The following SLC7A9 variants were observed in gnomAD, a reference collection of about 807,000 sequenced individuals.
SLC7A9 encodes B(0,+)-type amino acid transporter 1.
Under a neutral mutation model 54.1 loss-of-function variants are expected in SLC7A9, and 38 were observed. That is an observed-to-expected ratio of 0.70 (90% CI 0.54 to 0.92). SLC7A9 has a LOEUF of 0.92. SLC7A9 is among the 40% of genes least tolerant of loss of function. SLC7A9 has a pLI of 0.00. For synonymous variants in SLC7A9, 264 were observed against 258.9 expected (o/e 1.02, Z -0.19); for missense variants, 537 against 636.1 (o/e 0.84, Z 1.68).
At chr19:32,864,869 C>T (rs1968921230) in intron 2 of SLC7A9, 93 bp from the exon 3 acceptor site, 1 of 1,554,054 alleles carries the variant, frequency 6.4e-7, no homozygotes, top group African/African-American at 1.4e-5. Context: ...GCCAGGGCGG[C>T]CCCAGCCAAA....
Position 32,842,151 on chromosome 19 carries a change from T to C in SLC7A9, c.1224+17A>G, listed in dbSNP as rs368479033. 9 of 1,613,916 alleles carry C rather than the reference T, an allele frequency of 5.6e-6. No individual in the cohort carries two copies. In the African/African-American group the frequency reaches 6.7e-5, roughly 12 times the overall value. ...AAAAATCCAAAGCCACTCGTGACTC[T>C]GGGGCTGCAAGCTTACCTTGATAGG... On this transcript the variant is annotated intron_variant, in intron 11 of 12. Transcript: ENST00000023064.
At chr19:32,868,406 G>A (rs1293277073) in intron 2 of SLC7A9, 42 bp downstream of exon 2, 3 of 1,519,108 alleles carry the variant, frequency 2.0e-6, no homozygotes, top group Admixed American at 3.3e-5. Flanking sequence ...AGACGCCCTT[G>A]CCTAACCTGC....
At position 32,864,283 on chromosome 19, in the gene SLC7A9, A is replaced by T. The variant is rs1367252390; in HGVS notation, c.291T>A (p.Tyr97Ter). 2.5e-6 allele frequency: 4 copies of T among 1,613,840 alleles called. No homozygotes were observed. The highest frequency in any genetic ancestry group is 3.4e-6 in the Non-Finnish European group (4 of 1,179,978). ...GTMITKSGGE[Y>*]PYLMEAYGPI... is the part of the protein sequence containing the mutation. ...GCCCGTAGGCCTCCATCAGGTAGGG[A>T]TACTCTCCCCCTGACTTGGTGATCA... Residue 97 changes from tyrosine to a stop codon, truncating the protein, a stop_gained, in exon 4 of 13, where the codon TAT becomes TAA. Transcript: ENST00000023064. LOFTEE classifies it high-confidence loss of function.
At chr19:32,846,923 A>G (rs934841818) in intron 9 of SLC7A9, among the ~76,000 whole-genome samples, 2 of 152,216 alleles carry the variant, frequency 1.3e-5, no homozygotes, top group African/African-American at 4.8e-5. Context: ...CCCAGGCAAA[A>G]AGGGTCTGGA....
In SLC7A9 at chr19:32,846,169, C is replaced by T. The variant is rs185958403; in HGVS notation, c.978-2218G>A. ...TCACTAGGGAGTGCCAGACAGTGGG[C>T]GCAGGACAGTGGGTGCAGCACACCG... On this transcript the variant is annotated intron_variant, in intron 9 of 12. Coordinates refer to ENST00000023064, the MANE Select transcript of SLC7A9 (RefSeq NM_014270.5). Among the ~76,000 whole-genome samples, 1,407 of 146,770 alleles carry T rather than the reference C, an allele frequency of 9.6e-3. 26 individuals carry two copies. The highest frequency in any genetic ancestry group is 0.033 in the African/African-American group (1,342 of 40,066).
intron 11 of SLC7A9, among the ~76,000 whole-genome samples, chr19:32,838,706 T>TTA (rs201271333): frequency 0.11 from 16,910 of 147,976 alleles, 1,082 homozygotes; most frequent in Non-Finnish European, 0.15. Flanking sequence ...ATATATGTAC[T>TTA]TATATGTATA....
At chr19:32,856,725 C>T (rs1968639367) in intron 9 of SLC7A9, among the ~76,000 whole-genome samples, 1 of 152,166 alleles carries the variant, frequency 6.6e-6, no homozygotes, top group South Asian at 2.1e-4. Context: ...AGGCATGGGC[C>T]TCTACACCCA....
At chr19:32,865,766 T>G (rs1273523038) in intron 2 of SLC7A9, among the ~76,000 whole-genome samples, 2 of 151,828 alleles carry the variant, frequency 1.3e-5, no homozygotes, top group Non-Finnish European at 2.9e-5. Flanking sequence ...AGGTTGGGAG[T>G]GGGAGACCAG....
At chr19:32,867,207 G>GA (rs1968997120) in intron 2 of SLC7A9, among the ~76,000 whole-genome samples, 1 of 152,178 alleles carries the variant, frequency 6.6e-6, no homozygotes, top group Admixed American at 6.5e-5. Context: ...TCAACCATCA[G>GA]AACGCCCTCT....
rs1231632206 is a variant in SLC7A9 at position 32,862,033 on chromosome 19, T to A, written c.704+85A>T. The A allele has an allele frequency of 3.4e-6, 3 of 874,056 alleles. No homozygotes were observed. The East Asian group carries it at 7.2e-5, about 21-fold the overall frequency. 54.1% of individuals were successfully genotyped at this position (874,056 alleles called of 1,614,324 possible). Reference sequence around the variant, plus strand: ...CACACCAAACCCCAGAAAGGAGAACTCATTGTTTTCCATGACAGGTGGAGT... The same window carrying A: ...CACACCAAACCCCAGAAAGGAGAACACATTGTTTTCCATGACAGGTGGAGT... On this transcript the variant is annotated intron_variant, in intron 6 of 12. Coordinates refer to ENST00000023064, the MANE Select transcript of SLC7A9 (RefSeq NM_014270.5).
At chr19:32,865,453 G>A (rs994317116) in intron 2 of SLC7A9, among the ~76,000 whole-genome samples, 1 of 152,240 alleles carries the variant, frequency 6.6e-6, no homozygotes, top group East Asian at 1.9e-4. Flanking sequence ...GCAGGCGTAA[G>A]CCGCCGTGCC....
intron 2 of SLC7A9, among the ~76,000 whole-genome samples, chr19:32,865,242 C>T (rs921553144): frequency 7.9e-5 from 12 of 152,222 alleles, no homozygotes; most frequent in African/African-American, 2.9e-4. Context: ...GGAGGCCTCC[C>T]AGAAACAGAA....
chr19:32,864,289 T>TCC lies in SLC7A9; in HGVS notation c.283_284dup (p.Tyr97SerfsTer5). 6.2e-7 allele frequency: 1 copy of TCC among 1,613,890 alleles called. No individual in the cohort carries two copies. On this transcript the variant is annotated frameshift_variant, in exon 4 of 13. Coordinates refer to ENST00000023064, the MANE Select transcript of SLC7A9 (RefSeq NM_014270.5). LOFTEE classifies it high-confidence loss of function. ...AGGCCTCCATCAGGTAGGGATACTC[T>TCC]CCCCCTGACTTGGTGATCATTGTGC... is the stretch of plus-strand genomic sequence containing the variant.
chr19:32,835,606 G>A (rs1246530528), intron 11 of SLC7A9, among the ~76,000 whole-genome samples: 1 of 152,082 alleles, frequency 6.6e-6, no homozygotes, highest in African/African-American at 2.4e-5. Flanking sequence ...TTATTCCAGA[G>A]CATTGAAAAA....
chr19:32,832,983 G>A (rs1967849100), intron 12 of SLC7A9, 166 bp downstream of exon 12: 6 of 711,784 alleles, frequency 8.4e-6, no homozygotes, highest in Non-Finnish European at 1.5e-5. Context: ...ATCAAGGGTG[G>A]ACCCAGAGGT....
chr19:32,864,031 C>T lies in SLC7A9; in HGVS notation c.478+65G>A, dbSNP rs1273619095. The stretch of plus-strand genomic sequence containing the variant: ...AGACTCACTGGGGAGGAGCTGAGGG[C>T]GGAGTCCCCAGACACCCTCTGTGCC... On this transcript the variant is annotated intron_variant, in intron 4 of 12. Transcript: ENST00000023064. 1.4e-5 allele frequency: 22 copies of T among 1,608,782 alleles called. No individual in the cohort carries two copies. The East Asian group carries it at 2.2e-4, about 16-fold the overall frequency.
At chr19:32,861,706 T>C (rs1968804530) in intron 6 of SLC7A9, among the ~76,000 whole-genome samples, 1 of 152,004 alleles carries the variant, frequency 6.6e-6, no homozygotes, top group Non-Finnish European at 1.5e-5. Flanking sequence ...TCCCAGCTAC[T>C]CAGGAGGCTG....
intron 9 of SLC7A9, among the ~76,000 whole-genome samples, chr19:32,849,407 A>C (rs949729304): frequency 1.3e-5 from 2 of 152,040 alleles, no homozygotes; most frequent in African/African-American, 4.8e-5. Context: ...AAACACCTCT[A>C]TGCAAATAAA....
chr19:32,833,223 A>G lies in SLC7A9; in HGVS notation c.1325T>C (p.Leu442Pro), dbSNP rs749151193. Residue 442 changes from leucine (L) to proline (P), a missense_variant, in exon 12 of 13, where the codon CTG becomes CCG. Transcript: ENST00000023064. ...KPTWEYLYCV[L>P]FILSGLLFYF... ...AAATAAAAGGCCGCTTAATATAAAC[A>G]GCACACAGTAGAGGTACTCCCAGGT... 6 of 1,614,098 alleles carry G rather than the reference A, an allele frequency of 3.7e-6. No homozygotes were observed. The highest frequency in any genetic ancestry group is 5.1e-6 in the Non-Finnish European group (6 of 1,180,028).
Sources: gnomAD v4.1 joint callset for allele counts (sites outside exome capture counted in the v4.1 genomes callset) on GRCh38, gnomAD v4.1.1 for gene constraint, MANE v1.5 for transcripts, NCBI Gene and HGNC (gene_info 2026-07-23, HGNC 2026-07-21) for gene names.